Variants in PTPRT observed in about 807,000 individuals in gnomAD.
PTPRT encodes the protein receptor-type tyrosine-protein phosphatase T.
Under a neutral mutation model 176.8 loss-of-function variants are expected in PTPRT, and 56 were observed. That is an observed-to-expected ratio of 0.32 (90% confidence interval 0.26 to 0.40). The LOEUF (loss-of-function observed/expected upper bound fraction) is 0.40. PTPRT is among the 10% of genes least tolerant of loss of function. The probability of loss-of-function intolerance (pLI) is 1.00; values close to 1 mark genes in which losing one functional copy is unlikely to be tolerated. For synonymous variants in PTPRT, 783 were observed against 739.0 expected (o/e 1.06, Z -0.96); for missense variants, 1,540 against 1,908.2 (o/e 0.81, Z 3.60).
chr20:42,040,761 A>G, the PTPRT span, among the ~76,000 whole-genome samples: 962 of 152,346 alleles, frequency 6.3e-3, 9 homozygotes, highest in African/African-American at 0.022. Flanking sequence ...GTAGACACAG[A>G]CATCAGAAAT....
chr20:42,188,621 A>AG (rs1387269629), intron 16 of PTPRT, among the ~76,000 whole-genome samples: 2 of 152,032 alleles, frequency 1.3e-5, no homozygotes, highest in Admixed American at 6.6e-5. Flanking sequence ...CTTTGAGCAG[A>AG]GGGGGGGAAA....
chr20:42,154,956 C>A (rs1194847461), intron 17 of PTPRT, among the ~76,000 whole-genome samples: 2 of 152,108 alleles, frequency 1.3e-5, no homozygotes, highest in South Asian at 2.1e-4. Context: ...GAATCACATG[C>A]CCTTTCATCA....
chr20:42,076,555 C>A lies in PTPRT; in HGVS notation c.*4324G>T, dbSNP rs1982793849. 5.0e-6 allele frequency: 1 copy of A among 198,590 alleles called. No homozygotes were observed. Among genetic ancestry groups the A allele is most frequent in the South Asian group, 1.9e-4 (1 of 5,234 alleles). 12.3% of individuals were successfully genotyped at this position (198,590 alleles called of 1,614,324 possible). ...GAACAGTGAGGTCAGAGCACCCACA[C>A]ACCAAAGGAGCTGCCTAGGAGAAGG... On this transcript the variant is annotated 3_prime_UTR_variant, in exon 31 of 31. Coordinates refer to ENST00000373187, the MANE Select transcript of PTPRT (RefSeq NM_007050.6).
At chr20:42,160,937 G>A (rs1989569182) in intron 17 of PTPRT, among the ~76,000 whole-genome samples, 2 of 152,156 alleles carry the variant, frequency 1.3e-5, no homozygotes, top group South Asian at 2.1e-4. Flanking sequence ...ATGCATGCTG[G>A]AAATCATTGG....
intron 9 of PTPRT, among the ~76,000 whole-genome samples, chr20:42,357,296 G>A (rs770195746): frequency 3.9e-5 from 6 of 152,106 alleles, no homozygotes; most frequent in Non-Finnish European, 8.8e-5. Flanking sequence ...TACAGCCCAC[G>A]CTGCCTAAAA....
chr20:42,556,272 G>A (rs1008765503), intron 7 of PTPRT, among the ~76,000 whole-genome samples: 5 of 152,140 alleles, frequency 3.3e-5, no homozygotes, highest in African/African-American at 1.2e-4. Context: ...CTGAAGAGAA[G>A]TGTGACTGAG....
intron 21 of PTPRT, among the ~76,000 whole-genome samples, chr20:42,117,010 T>C (rs572621412): frequency 6.6e-6 from 1 of 152,180 alleles, no homozygotes; most frequent in East Asian, 1.9e-4. Flanking sequence ...CTGAGTGGAG[T>C]GACCACAAGC....
intron 1 of PTPRT, among the ~76,000 whole-genome samples, chr20:43,032,669 G>A (rs1302874993): frequency 3.3e-5 from 5 of 152,006 alleles, no homozygotes; most frequent in South Asian, 4.2e-4. Flanking sequence ...TTAGCCCCCC[G>A]CAGAGCGTCA....
chr20:43,171,876 C>T (rs2015008620), intron 1 of PTPRT, among the ~76,000 whole-genome samples: 1 of 152,172 alleles, frequency 6.6e-6, no homozygotes, highest in Admixed American at 6.5e-5. Flanking sequence ...AGGACAAGTA[C>T]CCTAACCCCT....
chr20:42,696,168 CCT>C (rs1217455305), intron 6 of PTPRT, among the ~76,000 whole-genome samples: 1 of 151,534 alleles, frequency 6.6e-6, no homozygotes, highest in Non-Finnish European at 1.5e-5. Flanking sequence ...TCCCCTAAAC[CCT>C]CTCTTTTTCT....
intron 6 of PTPRT, among the ~76,000 whole-genome samples, chr20:42,745,604 C>T (rs1208110967): frequency 6.6e-6 from 1 of 152,196 alleles, no homozygotes; most frequent in African/African-American, 2.4e-5. Flanking sequence ...ATAAATTAGG[C>T]TCCAGTGACT....
intron 7 of PTPRT, among the ~76,000 whole-genome samples, chr20:42,560,782 C>T (rs1258920187): frequency 6.6e-6 from 1 of 152,174 alleles, no homozygotes; most frequent in Non-Finnish European, 1.5e-5. Context: ...GCATAAAGCA[C>T]ACCCCACCCA....
chr20:42,062,986 G>C, the PTPRT span, among the ~76,000 whole-genome samples: 1 of 152,120 alleles, frequency 6.6e-6, no homozygotes, highest in African/African-American at 2.4e-5. Context: ...CATTTATTTT[G>C]TTCTTGTCTG....
intron 15 of PTPRT, among the ~76,000 whole-genome samples, chr20:42,220,980 G>A (rs1280929455): frequency 6.6e-6 from 1 of 152,116 alleles, no homozygotes; most frequent in Non-Finnish European, 1.5e-5. Flanking sequence ...AAATGATACA[G>A]TTGGTAGAGT....
intron 1 of PTPRT, among the ~76,000 whole-genome samples, chr20:43,014,577 C>T (rs1386162523): frequency 6.6e-6 from 1 of 152,138 alleles, no homozygotes; most frequent in African/African-American, 2.4e-5. Flanking sequence ...GATGGCATCA[C>T]CAACACTGAG....
At chr20:42,709,257 C>T (rs2076107676) in intron 6 of PTPRT, among the ~76,000 whole-genome samples, 1 of 152,166 alleles carries the variant, frequency 6.6e-6, no homozygotes, top group Non-Finnish European at 1.5e-5. Flanking sequence ...ATGTTTGTCC[C>T]CTCCACAGAA....
chr20:42,488,650 T>C (rs1333538973), intron 7 of PTPRT, among the ~76,000 whole-genome samples: 2 of 151,892 alleles, frequency 1.3e-5, no homozygotes, highest in African/African-American at 4.8e-5. Flanking sequence ...TAAGTAAGAG[T>C]CCTTTATTTT....
chr20:42,655,524 T>C (rs1470811511), intron 7 of PTPRT, among the ~76,000 whole-genome samples: 2 of 152,182 alleles, frequency 1.3e-5, no homozygotes, highest in African/African-American at 4.8e-5. Context: ...AGATCTCATA[T>C]TTATACCTTG....
chr20:42,193,073 T>G (rs916556848), intron 16 of PTPRT, among the ~76,000 whole-genome samples: 2 of 152,258 alleles, frequency 1.3e-5, no homozygotes, highest in Non-Finnish European at 2.9e-5. Context: ...ACAAAGTTGC[T>G]TGGTTTTGAA....
Sources: allele counts gnomAD v4.1 joint callset (sites outside exome capture counted in the v4.1 genomes callset), GRCh38; gene constraint gnomAD v4.1.1; transcripts MANE v1.5; gene names NCBI Gene and HGNC (gene_info 2026-07-23, HGNC 2026-07-21).